DOCK10: variants seen among roughly 807,000 people sequenced by gnomAD.
DOCK10 encodes the protein dedicator of cytokinesis protein 10.
A neutral mutation model predicts 280.1 loss-of-function variants in DOCK10; 145 were observed. The observed-to-expected ratio is 0.52, with a 90% CI of 0.45 to 0.59. DOCK10 has a LOEUF of 0.59. DOCK10 is among the 20% of genes least tolerant of loss of function. The pLI is 0.00. For missense variants in DOCK10, 2,368 were observed against 2,651.7 expected, an observed-to-expected ratio of 0.89 and a Z score of 2.35; for synonymous variants, 915 against 942.2, an observed-to-expected ratio of 0.97 and a Z score of 0.53.
chr2:224,844,924 G>A (rs1446354240), intron 21 of DOCK10, 85 bp from the exon 22 acceptor site: 2 of 995,404 alleles, frequency 2.0e-6, no homozygotes, highest in South Asian at 1.4e-5. Context: ...TTAATGTGCT[G>A]TTCTGATCCA....
intron 1 of DOCK10, among the ~76,000 whole-genome samples, chr2:224,961,395 A>AT (rs769738580): frequency 1.0e-5 from 1 of 97,256 alleles, no homozygotes; most frequent in African/African-American, 4.5e-5. Context: ...GCATAGCAGC[A>AT]TTTTCTTTCT....
intron 4 of DOCK10, among the ~76,000 whole-genome samples, chr2:224,886,893 C>CCG (rs1553605476): frequency 6.7e-6 from 1 of 149,400 alleles, no homozygotes; most frequent in Non-Finnish European, 1.5e-5. Flanking sequence ...CCAACACCCC[C>CCG]CCAAGTAGTA....
At chr2:224,799,351 A>G (rs1372124097) in intron 41 of DOCK10, among the ~76,000 whole-genome samples, 1 of 152,232 alleles carries the variant, frequency 6.6e-6, no homozygotes, top group Non-Finnish European at 1.5e-5. Flanking sequence ...ATTTCTTTTA[A>G]CTGCTGAGTA....
In DOCK10 at chr2:224,864,853, A is replaced by C; in HGVS notation, c.1479+13T>G. On this transcript the variant is annotated intron_variant, in intron 12 of 55. Transcript: ENST00000258390. ...AGCATTTTCCATCTCATCACAAGTA[A>C]ACAAAGTGCCACCTGCTTTGGAAAT... 2.5e-6 allele frequency: 4 copies of C among 1,613,852 alleles called. No homozygotes were observed. Among genetic ancestry groups the C allele is most frequent in the Non-Finnish European group, 3.4e-6 (4 of 1,179,764 alleles).
intron 1 of DOCK10, among the ~76,000 whole-genome samples, chr2:225,007,365 T>C (rs1487348951): frequency 6.6e-6 from 1 of 152,170 alleles, no homozygotes; most frequent in African/African-American, 2.4e-5. Flanking sequence ...CTGTAAATAG[T>C]CCATGAGGCC....
In DOCK10 at chr2:224,773,263, A is replaced by T. The variant is rs778251956; in HGVS notation, c.6098T>A (p.Ile2033Asn). The T allele has an allele frequency of 1.2e-6, 2 of 1,613,988 alleles. No homozygotes were observed. Among genetic ancestry groups the T allele is most frequent in the Non-Finnish European group, 1.7e-6 (2 of 1,179,876 alleles). The change falls in exon 53 of 56, where the codon ATT becomes AAT. Residue 2033 changes from isoleucine (I) to asparagine (N), a missense_variant. Physicochemically the swap from Ile to Asn is moderately radical, Grantham distance 149 (BLOSUM62 -3). Around this residue, in one of 2 missense-constraint regions of DOCK10, gnomAD observed 1,159 missense variants for 1,400.8 expected, o/e 0.83. Transcript: ENST00000258390. ...AGAAACCTTCTTGGACATCTCGTCA[A>T]TTGCCACTTCAATTGGATTCAGTTC... The part of the protein sequence containing the change: ...STELNPIEVA[I>N]DEMSKKVSEL...
At position 224,823,583 on chromosome 2, in the gene DOCK10, A is replaced by G; in HGVS notation, c.3101T>C (p.Leu1034Pro). ...QNELDNLVMV[L>P]SDHVIWKYKD... is the part of the protein sequence containing the mutation. ...GTATTTCCAAATCACATGGTCGGATAGGACCATGACAAGATTGTCCAATTC... is the reference window on the plus strand; with the variant it reads ...GTATTTCCAAATCACATGGTCGGATGGGACCATGACAAGATTGTCCAATTC... Residue 1034 changes from leucine to proline, a missense_variant, in exon 28 of 56, where the codon CTA becomes CCA. Around this residue, in one of 2 missense-constraint regions of DOCK10, gnomAD observed 1,209 missense variants for 1,250.9 expected, o/e 0.97. Coordinates refer to ENST00000258390, the MANE Select transcript of DOCK10 (RefSeq NM_014689.3). The G allele has an allele frequency of 6.2e-7, 1 of 1,608,118 alleles. No individual in the cohort carries two copies. The highest frequency in any genetic ancestry group is 1.7e-5 in the Admixed American group (1 of 58,690).
chr2:224,899,934 C>T (rs1700199398), intron 3 of DOCK10, among the ~76,000 whole-genome samples: 1 of 152,186 alleles, frequency 6.6e-6, no homozygotes, highest in East Asian at 1.9e-4. Context: ...CTAGGACTGA[C>T]TCCTGATGTG....
At chr2:224,780,363 CT>C (rs2125033046) in intron 50 of DOCK10, among the ~76,000 whole-genome samples, 1 of 152,256 alleles carries the variant, frequency 6.6e-6, no homozygotes, top group Non-Finnish European at 1.5e-5. Context: ...AATTGACAGA[CT>C]GACACATCAG....
intron 1 of DOCK10, among the ~76,000 whole-genome samples, chr2:224,965,484 C>T (rs763002316): frequency 3.9e-5 from 6 of 152,164 alleles, no homozygotes; most frequent in Non-Finnish European, 8.8e-5. Flanking sequence ...TGGGTGGATT[C>T]TTGTCTTCTT....
At chr2:224,932,138 G>A (rs1702420566) in intron 1 of DOCK10, among the ~76,000 whole-genome samples, 1 of 152,152 alleles carries the variant, frequency 6.6e-6, no homozygotes, top group South Asian at 2.1e-4. Context: ...ACTCTTGGTT[G>A]TCACGAACAC....
chr2:224,945,429 T>G (rs1368157659), intron 1 of DOCK10, among the ~76,000 whole-genome samples: 1 of 152,050 alleles, frequency 6.6e-6, no homozygotes, highest in African/African-American at 2.4e-5. Flanking sequence ...GTGGAAAGAT[T>G]AGAGCTACAT....
At chr2:224,934,461 A>T (rs1702570135) in intron 1 of DOCK10, among the ~76,000 whole-genome samples, 1 of 152,228 alleles carries the variant, frequency 6.6e-6, no homozygotes, top group Non-Finnish European at 1.5e-5. Context: ...ATAAAGTTTA[A>T]AAAGAAATAG....
chr2:224,865,112 G>A, intron 11 of DOCK10, 25 bp from the exon 12 acceptor site: 1 of 1,601,456 alleles, frequency 6.2e-7, no homozygotes, highest in Non-Finnish European at 8.5e-7. Context: ...AAGAACAGAT[G>A]TTTTTGATAT....
intron 1 of DOCK10, among the ~76,000 whole-genome samples, chr2:224,960,332 A>G (rs2126159655): frequency 6.6e-6 from 1 of 152,176 alleles, no homozygotes; most frequent in East Asian, 1.9e-4. Context: ...TCTTTTTGTA[A>G]CCATATAACT....
chr2:224,787,540 C>T, intron 48 of DOCK10, 143 bp from the exon 49 acceptor site: 1 of 1,015,404 alleles, frequency 9.8e-7, no homozygotes, highest in Non-Finnish European at 1.5e-6. Context: ...GTGGTGTCAT[C>T]TTGGATTCTT....
intron 2 of DOCK10, among the ~76,000 whole-genome samples, chr2:224,925,568 G>A (rs1356073155): frequency 6.6e-6 from 1 of 152,186 alleles, no homozygotes; most frequent in Non-Finnish European, 1.5e-5. Flanking sequence ...TGTAAGGTCT[G>A]CTTCTTATTC....
At chr2:224,820,783 G>A (rs1393364145) in intron 28 of DOCK10, among the ~76,000 whole-genome samples, 1 of 152,198 alleles carries the variant, frequency 6.6e-6, no homozygotes, top group Non-Finnish European at 1.5e-5. Flanking sequence ...CTGATATTTA[G>A]AGAGAAATAC....
In DOCK10 at chr2:224,864,959, CAAAGCCACA is replaced by C; in HGVS notation, c.1377_1385del (p.Val460_Leu462del). 6.2e-7 allele frequency: 1 copy of C among 1,613,822 alleles called. No homozygotes were observed. The highest frequency in any genetic ancestry group is 8.5e-7 in the Non-Finnish European group (1 of 1,179,860). On this transcript the variant is annotated inframe_deletion, in exon 12 of 56. Coordinates refer to ENST00000258390, the MANE Select transcript of DOCK10 (RefSeq NM_014689.3). ...TGATGGTGTCGATGTTGCCATTTTCCAAAGCCACAGAAGCCCCCAAGAGCATCTGTCTGA... is the reference window on the plus strand; with the variant it reads ...TGATGGTGTCGATGTTGCCATTTTCCGAAGCCCCCAAGAGCATCTGTCTGA...
Sources: gnomAD v4.1 joint callset for allele counts (sites outside exome capture counted in the v4.1 genomes callset) on GRCh38, gnomAD v4.1.1 for gene constraint, gnomAD v4.1.1 regional missense constraint, MANE v1.5 for transcripts, NCBI Gene and HGNC (gene_info 2026-07-23, HGNC 2026-07-21) for gene names.